NAA35: variants seen among roughly 807,000 people sequenced by gnomAD.
The protein encoded by NAA35 is MAK10 homolog, amino-acid N-acetyltransferase subunit.
In NAA35, 18 loss-of-function variants were observed where a neutral mutation model predicts 101.7. The ratio of observed to expected loss-of-function variants is 0.18; its 90% confidence interval spans 0.12 to 0.26. The LOEUF is 0.26. NAA35 is among the 10% of genes least tolerant of loss of function. The pLI, the probability that NAA35 is intolerant of heterozygous loss-of-function variation, is 1.00. For synonymous variants in NAA35, 267 were observed against 273.1 expected, an observed-to-expected ratio of 0.98 and a Z score of 0.22; for missense variants, 601 against 886.8, an observed-to-expected ratio of 0.68 and a Z score of 4.09.
At chr9:85,997,169 C>T (rs1831198720) in intron 12 of NAA35, among the ~76,000 whole-genome samples, 2 of 151,314 alleles carry the variant, frequency 1.3e-5, no homozygotes, top group Admixed American at 6.6e-5. Context: ...ACTATGTTAC[C>T]CAGGCTGGTG....
chr9:86,024,543 T>G lies in NAA35; in HGVS notation c.*2583T>G, dbSNP rs540007264. The stretch of plus-strand genomic sequence containing the variant: ...CCAGTCACGTGAGAGAAAATGTTGG[T>G]CTTAACAAAGGTAGTGGCAGAGCAG... On this transcript the variant is annotated 3_prime_UTR_variant, in exon 23 of 23. Transcript: ENST00000361671. Among the ~76,000 whole-genome samples the G allele has an allele frequency of 2.0e-5, 3 of 152,130 alleles. No individual in the cohort carries two copies.
At chr9:85,956,985 C>G (rs572298303) in intron 3 of NAA35, among the ~76,000 whole-genome samples, 1 of 152,052 alleles carries the variant, frequency 6.6e-6, no homozygotes, top group Non-Finnish European at 1.5e-5. Context: ...AGAGAGAACC[C>G]GAGGAAGTCA....
At position 85,951,131 on chromosome 9, in the gene NAA35, C is replaced by T. The variant is rs138701678; in HGVS notation, c.125-5229C>T. On this transcript the variant is annotated intron_variant, in intron 2 of 22. Coordinates refer to ENST00000361671, the MANE Select transcript of NAA35 (RefSeq NM_024635.4). ...CCAGCCGGGGCGACAGAGTGAGACTCCATCTCAAAAAAAAAAAAAAATGAT... is the reference window on the plus strand; with the variant it reads ...CCAGCCGGGGCGACAGAGTGAGACTTCATCTCAAAAAAAAAAAAAAATGAT... Among the ~76,000 whole-genome samples, 3,201 of 148,006 alleles carry T rather than the reference C, an allele frequency of 0.022. 367 individuals are homozygous for T. The East Asian group carries it at 0.36, about 17-fold the overall frequency.
intron 11 of NAA35, chr9:85,986,713 T>C: frequency 3.5e-6 from 1 of 285,262 alleles, no homozygotes; most frequent in Non-Finnish European, 6.8e-6. Context: ...CCCTCCTGAG[T>C]AGCTGGAATT....
At chr9:85,975,276 TTG>T in intron 8 of NAA35, 119 bp downstream of exon 8, 1 of 1,031,346 alleles carries the variant, frequency 9.7e-7, no homozygotes, top group Non-Finnish European at 1.4e-6. Flanking sequence ...TATTTTTTTT[TTG>T]TAATGAATTT....
intron 11 of NAA35, among the ~76,000 whole-genome samples, chr9:85,981,044 A>G (rs988782629): frequency 1.3e-5 from 2 of 152,178 alleles, no homozygotes; most frequent in Admixed American, 1.3e-4. Context: ...AATGTTAGGT[A>G]ATACAGCAAC....
intron 15 of NAA35, among the ~76,000 whole-genome samples, chr9:86,011,649 C>T (rs971580452): frequency 3.2e-4 from 48 of 151,078 alleles, no homozygotes; most frequent in African/African-American, 1.0e-3. Context: ...CAGGAGCCAC[C>T]GCACCCGGCT....
intron 6 of NAA35, among the ~76,000 whole-genome samples, chr9:85,968,545 G>A (rs1392229835): frequency 6.6e-6 from 1 of 152,112 alleles, no homozygotes. Context: ...TGGGGTGTGT[G>A]TGTATGTACA....
chr9:86,006,016 C>T (rs1349527025), intron 13 of NAA35, among the ~76,000 whole-genome samples: 1 of 151,236 alleles, frequency 6.6e-6, no homozygotes, highest in Non-Finnish European at 1.5e-5. Context: ...ACTAAAAATA[C>T]AAAAATTAGC....
At chr9:85,941,387 C>A (rs1330394659) in intron 1 of NAA35, 114 bp downstream of exon 1, 12 of 985,362 alleles carry the variant, frequency 1.2e-5, no homozygotes, top group Non-Finnish European at 1.4e-5. Context: ...GCGGCCCCGG[C>A]CCTCCCGCTG....
rs1168135198 is a variant in NAA35 at position 86,013,274 on chromosome 9, AAC to A, written c.1389+132_1389+133del. The A allele has an allele frequency of 7.0e-5, 36 of 515,562 alleles. 1 individual carries two copies. Among genetic ancestry groups the A allele is most frequent in the South Asian group, 4.3e-4 (8 of 18,670 alleles). The allele number at this position is 515,562 out of a possible 1,614,324, so 31.9% of individuals were successfully genotyped here. Reference sequence around the variant, plus strand: ...ATGATCCACTTTTCACTTAAAATATAACAGTTTCTTACACCAACGTTTACAAA... The same window carrying A: ...ATGATCCACTTTTCACTTAAAATATAAGTTTCTTACACCAACGTTTACAAA... On this transcript the variant is annotated intron_variant, in intron 16 of 22. Transcript: ENST00000361671.
At chr9:86,021,118 C>T in intron 22 of NAA35, 149 bp downstream of exon 22, 2 of 552,970 alleles carry the variant, frequency 3.6e-6, no homozygotes, top group Non-Finnish European at 3.1e-6. Flanking sequence ...AAAATTAGAG[C>T]TTGCCATTTT....
At chr9:85,958,156 G>T (rs888289240) in intron 3 of NAA35, among the ~76,000 whole-genome samples, 11 of 151,936 alleles carry the variant, frequency 7.2e-5, no homozygotes, top group Admixed American at 6.6e-4. Context: ...GGTCAGGCTG[G>T]TCTTGAACTC....
intron 6 of NAA35, among the ~76,000 whole-genome samples, chr9:85,970,038 G>A (rs1416382304): frequency 6.6e-6 from 1 of 152,140 alleles, no homozygotes; most frequent in Non-Finnish European, 1.5e-5. Context: ...AGCAGATTTT[G>A]ACGTAGTCAT....
At chr9:86,003,100 G>T (rs1376936492) in intron 12 of NAA35, among the ~76,000 whole-genome samples, 1 of 152,160 alleles carries the variant, frequency 6.6e-6, no homozygotes, top group Non-Finnish European at 1.5e-5. Context: ...TCAAAGTGGG[G>T]TATGTTAGTG....
At chr9:85,998,024 C>G (rs564367192) in intron 12 of NAA35, among the ~76,000 whole-genome samples, 1 of 152,008 alleles carries the variant, frequency 6.6e-6, no homozygotes, top group African/African-American at 2.4e-5. Context: ...ACGCCATTCT[C>G]CTGCCTCAGC....
chr9:85,968,058 A>G (rs1564296157), intron 6 of NAA35, among the ~76,000 whole-genome samples: 1 of 151,752 alleles, frequency 6.6e-6, no homozygotes. Flanking sequence ...TTACGTTCGG[A>G]TTATTTTGCT....
In NAA35 at chr9:85,975,880, T is replaced by C. The variant is rs141426925; in HGVS notation, c.627+723T>C. On this transcript the variant is annotated intron_variant, in intron 8 of 22. Coordinates refer to ENST00000361671, the MANE Select transcript of NAA35 (RefSeq NM_024635.4). Reference sequence around the variant, plus strand: ...AGTAGGTGAGCTCAGTAAGTGGTGATATCCCAAATCTGGTGAAAACCTTCT... The same window carrying C: ...AGTAGGTGAGCTCAGTAAGTGGTGACATCCCAAATCTGGTGAAAACCTTCT... Among the ~76,000 whole-genome samples, 1,045 of 152,322 alleles carry C rather than the reference T, an allele frequency of 6.9e-3. 5 individuals carry two copies. The highest frequency in any genetic ancestry group is 0.012 in the Non-Finnish European group (794 of 68,018).
At chr9:85,989,589 G>A (rs1272673441) in intron 11 of NAA35, among the ~76,000 whole-genome samples, 1 of 152,106 alleles carries the variant, frequency 6.6e-6, no homozygotes, top group African/African-American at 2.4e-5. Flanking sequence ...TTTTAAACTA[G>A]CAAGAACTTG....
Sources: gnomAD v4.1 joint callset for allele counts (sites outside exome capture counted in the v4.1 genomes callset) on GRCh38, gnomAD v4.1.1 for gene constraint, MANE v1.5 for transcripts, NCBI Gene and HGNC (gene_info 2026-07-23, HGNC 2026-07-21) for gene names.